The following SUSD4 variants were observed in gnomAD, a reference collection of about 807,000 sequenced individuals.
The protein encoded by SUSD4 is sushi domain-containing protein 4.
Under a neutral mutation model 50.5 loss-of-function variants are expected in SUSD4, and 41 were observed. The observed-to-expected ratio is 0.81, with a 90% CI of 0.63 to 1.05. The LOEUF (loss-of-function observed/expected upper bound fraction) is 1.05, where lower values mean the gene tolerates loss of function less well. Among genes scored for constraint, SUSD4 ranks in the 50% least tolerant of loss-of-function variants. SUSD4 has a pLI of 0.00. For synonymous variants in SUSD4, 257 were observed against 257.3 expected, an observed-to-expected ratio of 1.00 and a Z score of 0.01; for missense variants, 580 against 634.7, an observed-to-expected ratio of 0.91 and a Z score of 0.93.
chr1:223,271,984 T>C (rs1488220796), intron 3 of SUSD4, among the ~76,000 whole-genome samples: 2 of 152,194 alleles, frequency 1.3e-5, no homozygotes, highest in Non-Finnish European at 2.9e-5. Flanking sequence ...CCCAACACTT[T>C]GGGAGGCCGA....
chr1:223,264,067 G>A (rs1198379687), intron 5 of SUSD4: 7 of 985,322 alleles, frequency 7.1e-6, no homozygotes, highest in East Asian at 2.3e-4. Flanking sequence ...CCTTGACTCC[G>A]CCAGTGGAAG....
Position 223,229,183 on chromosome 1 carries a change from G to T in SUSD4, c.916+14C>A, listed in dbSNP as rs1353318176. The T allele has an allele frequency of 6.3e-7, 1 of 1,587,988 alleles. No homozygotes were observed. Among genetic ancestry groups the T allele is most frequent in the African/African-American group, 1.3e-5 (1 of 74,648 alleles). The stretch of plus-strand genomic sequence containing the variant: ...AGGGTCCATCTCCTCCAAGGGTGAG[G>T]CCTTCAGTCTTACCTGATTTGATGC... On this transcript the variant is annotated intron_variant, in intron 6 of 8. Transcript: ENST00000366878. The surrounding 1 kb of genome is among the most constrained non-coding windows in gnomAD (Gnocchi z 4.7).
intron 2 of SUSD4, among the ~76,000 whole-genome samples, chr1:223,322,568 G>A (rs1363633417): frequency 6.6e-6 from 1 of 152,200 alleles, no homozygotes; most frequent in Non-Finnish European, 1.5e-5. Context: ...AAGATAAGAG[G>A]TGGCAAATGC....
intron 3 of SUSD4, among the ~76,000 whole-genome samples, chr1:223,269,166 C>T (rs1056965069): frequency 2.6e-5 from 4 of 152,182 alleles, no homozygotes; most frequent in African/African-American, 4.8e-5. Context: ...CAAAACAGCA[C>T]AGGGGTTGAG....
intron 5 of SUSD4, among the ~76,000 whole-genome samples, chr1:223,263,380 T>C (rs1773713): frequency 0.34 from 51,079 of 152,180 alleles, 9,108 homozygotes; most frequent in Non-Finnish European, 0.41. Context: ...AAAGAATAAT[T>C]TTTTATACTA....
chr1:223,264,878 G>T, intron 4 of SUSD4, 60 bp from the exon 5 acceptor site: 1 of 1,552,278 alleles, frequency 6.4e-7, no homozygotes. Context: ...ACATCGAAAA[G>T]TCACACAGAA....
intron 5 of SUSD4, among the ~76,000 whole-genome samples, chr1:223,255,391 G>A (rs547312748): frequency 1.4e-4 from 21 of 152,280 alleles, no homozygotes; most frequent in African/African-American, 4.8e-4. Context: ...AGGTTTCTAT[G>A]ACCCAAGCCA....
intron 5 of SUSD4, among the ~76,000 whole-genome samples, chr1:223,238,111 A>G (rs1187193112): frequency 2.0e-5 from 3 of 151,952 alleles, no homozygotes; most frequent in Non-Finnish European, 4.4e-5. Context: ...CATTTCATCT[A>G]GGTTATCAAA....
chr1:223,246,279 TGGC>T (rs1660921625), intron 5 of SUSD4, among the ~76,000 whole-genome samples: 1 of 151,496 alleles, frequency 6.6e-6, no homozygotes, highest in African/African-American at 2.4e-5. Flanking sequence ...AAAAGAAGAG[TGGC>T]CATTGGATTT....
intron 3 of SUSD4, among the ~76,000 whole-genome samples, chr1:223,271,853 C>T (rs191786522): frequency 1.4e-3 from 208 of 152,298 alleles, no homozygotes; most frequent in Non-Finnish European, 2.4e-3. Context: ...TAGTGTCTGA[C>T]AGTAAATGTC....
At chr1:223,323,532 G>A (rs1666708564) in intron 2 of SUSD4, among the ~76,000 whole-genome samples, 1 of 152,060 alleles carries the variant, frequency 6.6e-6, no homozygotes, top group African/African-American at 2.4e-5. Flanking sequence ...GGGTGGAAGG[G>A]TCCAGCCATG....
intron 5 of SUSD4, among the ~76,000 whole-genome samples, chr1:223,250,517 G>A (rs1225258728): frequency 6.6e-6 from 1 of 152,164 alleles, no homozygotes; most frequent in Non-Finnish European, 1.5e-5. Context: ...AACTAACAGC[G>A]AGCTGGGACA....
chr1:223,353,397 G>A (rs1185626836), intron 2 of SUSD4, among the ~76,000 whole-genome samples: 1 of 152,160 alleles, frequency 6.6e-6, no homozygotes, highest in African/African-American at 2.4e-5. Context: ...ACTCTGTTTT[G>A]TATTTACGAA....
chr1:223,348,852 T>C (rs142322752), intron 2 of SUSD4, among the ~76,000 whole-genome samples: 1 of 152,298 alleles, frequency 6.6e-6, no homozygotes, highest in African/African-American at 2.4e-5. Flanking sequence ...GAGATTCTGC[T>C]GAAAGCTACA....
chr1:223,283,732 T>A (rs1278928682), intron 3 of SUSD4, among the ~76,000 whole-genome samples: 2 of 152,182 alleles, frequency 1.3e-5, no homozygotes, highest in Non-Finnish European at 2.9e-5. Flanking sequence ...CATTACTGGG[T>A]ATATACCCAA....
intron 4 of SUSD4, 110 bp from the exon 5 acceptor site, chr1:223,264,928 A>C (rs1180067453): frequency 1.9e-5 from 21 of 1,093,616 alleles, no homozygotes; most frequent in African/African-American, 6.3e-5. Flanking sequence ...CTGAAGGTGA[A>C]AATGGCACCA....
At chr1:223,320,259 T>A in intron 2 of SUSD4, among the ~76,000 whole-genome samples, 1 of 152,168 alleles carries the variant, frequency 6.6e-6, no homozygotes, top group East Asian at 1.9e-4. Context: ...ATATCGCACA[T>A]CTAAAAGAGA....
intron 2 of SUSD4, among the ~76,000 whole-genome samples, chr1:223,311,603 G>C (rs1033862954): frequency 6.6e-6 from 1 of 152,088 alleles, no homozygotes; most frequent in Non-Finnish European, 1.5e-5. Flanking sequence ...GCCAAATATG[G>C]GAATAAACTC....
chr1:223,340,990 G>A lies in SUSD4; in HGVS notation c.148+22288C>T, dbSNP rs185207982. On this transcript the variant is annotated intron_variant, in intron 2 of 8. Coordinates refer to ENST00000366878, the MANE Select transcript of SUSD4 (RefSeq NM_017982.4). ...CCGATTGTTCTAAGAGAGAATAAAA[G>A]CACCTTGATTGCTAAAATACACATG... Among the ~76,000 whole-genome samples the A allele has an allele frequency of 4.7e-4, 71 of 152,326 alleles. No individual in the cohort carries two copies. The Middle Eastern group carries it at 0.014, about 29-fold the overall frequency.
Sources: allele counts gnomAD v4.1 joint callset (sites outside exome capture counted in the v4.1 genomes callset), GRCh38; gene constraint gnomAD v4.1.1; non-coding constraint Gnocchi (gnomAD v3.1); transcripts MANE v1.5; gene names NCBI Gene and HGNC (gene_info 2026-07-23, HGNC 2026-07-21).